Variants in KCNJ6 observed in about 807,000 individuals in gnomAD.
KCNJ6 encodes the protein potassium inwardly rectifying channel subfamily J member 6.
A neutral mutation model predicts 34.2 loss-of-function variants in KCNJ6; 9 were observed. The ratio of observed to expected loss-of-function variants is 0.26; its 90% CI spans 0.16 to 0.46. The LOEUF is 0.46. KCNJ6 is among the 20% of genes least tolerant of loss of function. The pLI is 1.00. For missense variants in KCNJ6, 236 were observed against 531.3 expected (o/e 0.44, Z 5.46); for synonymous variants, 196 against 207.1 (o/e 0.95, Z 0.46).
chr21:37,907,811 A>T (rs1465360969), intron 1 of KCNJ6, among the ~76,000 whole-genome samples: 2 of 152,090 alleles, frequency 1.3e-5, no homozygotes, highest in Non-Finnish European at 2.9e-5. Flanking sequence ...TCTTTCATCT[A>T]CTCTAATATT....
intron 3 of KCNJ6, among the ~76,000 whole-genome samples, chr21:37,641,370 G>A (rs1302133228): frequency 6.6e-6 from 1 of 152,146 alleles, no homozygotes; most frequent in Non-Finnish European, 1.5e-5. Flanking sequence ...TCTGAGAACA[G>A]AATGATGACT....
intron 2 of KCNJ6, among the ~76,000 whole-genome samples, chr21:37,744,504 T>G (rs1006673003): frequency 6.6e-6 from 1 of 152,152 alleles, no homozygotes; most frequent in African/African-American, 2.4e-5. Flanking sequence ...AGCCATGTCC[T>G]CTTGGGAGGA....
At chr21:37,879,349 T>C (rs1601514073) in intron 1 of KCNJ6, among the ~76,000 whole-genome samples, 2 of 152,296 alleles carry the variant, frequency 1.3e-5, no homozygotes, top group Middle Eastern at 6.8e-3. Flanking sequence ...CTGGACCCCC[T>C]GCAGCACGTA....
chr21:37,788,148 A>C (rs1200158970), intron 2 of KCNJ6, among the ~76,000 whole-genome samples: 5 of 152,216 alleles, frequency 3.3e-5, no homozygotes, highest in Non-Finnish European at 5.9e-5. Context: ...GAAGCAGTTC[A>C]TGGATTTCTA....
At chr21:37,690,932 C>T (rs1281261127) in intron 3 of KCNJ6, among the ~76,000 whole-genome samples, 6 of 152,094 alleles carry the variant, frequency 3.9e-5, no homozygotes, top group Admixed American at 2.0e-4. Context: ...CAGGCATCTG[C>T]CACCATACCC....
At chr21:37,796,056 A>G (rs2055240135) in intron 2 of KCNJ6, among the ~76,000 whole-genome samples, 1 of 152,134 alleles carries the variant, frequency 6.6e-6, no homozygotes, top group South Asian at 2.1e-4. Flanking sequence ...AAGGGCAGCC[A>G]TGGAGGACTG....
At chr21:37,649,831 C>T (rs1003389645) in intron 3 of KCNJ6, among the ~76,000 whole-genome samples, 1 of 152,196 alleles carries the variant, frequency 6.6e-6, no homozygotes, top group African/African-American at 2.4e-5. Flanking sequence ...CGGCTCACTG[C>T]AAACTCCGCC....
At chr21:37,782,710 G>A (rs2123513922) in intron 2 of KCNJ6, among the ~76,000 whole-genome samples, 1 of 152,300 alleles carries the variant, frequency 6.6e-6, no homozygotes, top group South Asian at 2.1e-4. Flanking sequence ...GTCAGGCTGT[G>A]GCCCTACTGG....
chr21:37,809,963 G>A (rs2055314422), intron 2 of KCNJ6, among the ~76,000 whole-genome samples: 1 of 152,246 alleles, frequency 6.6e-6, no homozygotes, highest in African/African-American at 2.4e-5. Flanking sequence ...GACTTTATGT[G>A]AGTGAGAAAT....
intron 3 of KCNJ6, among the ~76,000 whole-genome samples, chr21:37,674,079 G>C (rs909406927): frequency 6.6e-6 from 1 of 152,202 alleles, no homozygotes; most frequent in African/African-American, 2.4e-5. Flanking sequence ...GGGGCCAGGG[G>C]AGAACCTTCA....
rs1601489698 is a variant in KCNJ6 at position 37,825,943 on chromosome 21, C to T, written c.25+14715G>A. Among the ~76,000 whole-genome samples the T allele has an allele frequency of 6.6e-5, 10 of 152,290 alleles. No homozygotes were observed. In the South Asian group the frequency reaches 2.1e-3, roughly 32 times the overall value. On this transcript the variant is annotated intron_variant, in intron 2 of 3. Coordinates refer to ENST00000609713, the MANE Select transcript of KCNJ6 (RefSeq NM_002240.5). ...TCAATTACCTCCCTCTGGGTCCCTC[C>T]CATGATGCGTGGGAATTTTGGGAGC...
At chr21:37,712,092 T>C (rs1446183501) in intron 3 of KCNJ6, among the ~76,000 whole-genome samples, 1 of 152,212 alleles carries the variant, frequency 6.6e-6, no homozygotes, top group East Asian at 1.9e-4. Flanking sequence ...GATAATTTGC[T>C]TATTCCAGAT....
intron 2 of KCNJ6, among the ~76,000 whole-genome samples, chr21:37,798,292 G>T (rs2055252773): frequency 6.6e-6 from 1 of 152,146 alleles, no homozygotes; most frequent in South Asian, 2.1e-4. Context: ...CCCTCCACAT[G>T]GGCTCTGGAG....
chr21:37,628,530 C>A (rs1330026387), intron 3 of KCNJ6, among the ~76,000 whole-genome samples: 2 of 152,074 alleles, frequency 1.3e-5, no homozygotes, highest in African/African-American at 4.8e-5. Flanking sequence ...AACAGTGCCT[C>A]AGAGACCTGT....
intron 1 of KCNJ6, among the ~76,000 whole-genome samples, chr21:37,852,797 A>C (rs1262340951): frequency 6.6e-6 from 1 of 152,350 alleles, no homozygotes; most frequent in African/African-American, 2.4e-5. Context: ...AGTGCTAACA[A>C]ACAAATAGTA....
chr21:37,732,468 T>C (rs1232138866), intron 2 of KCNJ6, among the ~76,000 whole-genome samples: 1 of 152,216 alleles, frequency 6.6e-6, no homozygotes, highest in Admixed American at 6.5e-5. Flanking sequence ...GATTCCAGAA[T>C]TGTGGAAAGC....
At chr21:37,681,165 T>A (rs1269407620) in intron 3 of KCNJ6, among the ~76,000 whole-genome samples, 3 of 152,204 alleles carry the variant, frequency 2.0e-5, no homozygotes. Context: ...TAAAAAAGGT[T>A]CGGTTCTCAC....
chr21:37,734,234 C>T (rs768678716), intron 2 of KCNJ6, among the ~76,000 whole-genome samples: 41 of 152,068 alleles, frequency 2.7e-4, no homozygotes, highest in Non-Finnish European at 4.9e-4. Context: ...GGGGAGAAAC[C>T]AGCTGGTTTT....
intron 3 of KCNJ6, among the ~76,000 whole-genome samples, chr21:37,633,928 C>A (rs373249186): frequency 0.094 from 14,029 of 149,754 alleles, 835 homozygotes; most frequent in South Asian, 0.22. Flanking sequence ...TTCTTAAAGT[C>A]AAAAAAAAAA....
Sources: allele counts gnomAD v4.1 joint callset (sites outside exome capture counted in the v4.1 genomes callset), GRCh38; gene constraint gnomAD v4.1.1; transcripts MANE v1.5; gene names NCBI Gene and HGNC (gene_info 2026-07-23, HGNC 2026-07-21).